Variants in TMEM178B observed in about 807,000 individuals in gnomAD.
TMEM178B encodes transmembrane protein 178B.
TMEM178B carries 5 observed loss-of-function variants against 31.0 expected under a neutral mutation model. The observed-to-expected ratio is 0.16, with a 90% CI of 0.08 to 0.34. TMEM178B has a LOEUF of 0.34. Ranked by LOEUF, TMEM178B falls within the 10% of genes least tolerant of loss-of-function variation. TMEM178B has a pLI of 1.00. For missense variants in TMEM178B, 275 were observed against 400.3 expected, an observed-to-expected ratio of 0.69 and a Z score of 2.67; for synonymous variants, 164 against 164.0, an observed-to-expected ratio of 1.00 and a Z score of 0.00.
intron 2 of TMEM178B, among the ~76,000 whole-genome samples, chr7:141,245,642 A>G (rs1008485887): frequency 2.2e-4 from 34 of 152,112 alleles, no homozygotes; most frequent in African/African-American, 8.0e-4. Context: ...ATACGCTTTC[A>G]CTTGTCCTTA....
At chr7:141,463,868 G>T (rs115074626) in intron 3 of TMEM178B, among the ~76,000 whole-genome samples, 4 of 152,166 alleles carry the variant, frequency 2.6e-5, no homozygotes, top group Non-Finnish European at 2.9e-5. Flanking sequence ...GGCCAGACGC[G>T]CAGGATACAG....
chr7:141,461,785 A>G lies in TMEM178B; in HGVS notation c.635-8751A>G, dbSNP rs1379897704. 6.6e-6 allele frequency among the ~76,000 whole-genome samples: 1 copy of G among 152,232 alleles called. No individual in the cohort carries two copies. Among genetic ancestry groups the G allele is most frequent in the East Asian group, 1.9e-4 (1 of 5,202 alleles). The stretch of plus-strand genomic sequence containing the variant: ...TCCACCTTATACACCTGCAATTAGC[A>G]CTCAGAGTGAGCTGAGCAGGGAGTT... On this transcript the variant is annotated intron_variant, in intron 3 of 3. Coordinates refer to ENST00000565468, the MANE Select transcript of TMEM178B (RefSeq NM_001195278.2). This position sits in a 1 kb window ranked among gnomAD's most constrained non-coding sequence, Gnocchi z 4.0.
chr7:141,349,413 C>A (rs920034989), intron 2 of TMEM178B, among the ~76,000 whole-genome samples: 1 of 152,134 alleles, frequency 6.6e-6, no homozygotes, highest in African/African-American at 2.4e-5. Context: ...GGGGCCCAGA[C>A]ACGCTTTAGA....
intron 2 of TMEM178B, among the ~76,000 whole-genome samples, chr7:141,232,974 G>A (rs1178377730): frequency 6.6e-6 from 1 of 152,174 alleles, no homozygotes; most frequent in Non-Finnish European, 1.5e-5. Context: ...AAGCCAGAGG[G>A]GAGTGGATGA....
intron 3 of TMEM178B, among the ~76,000 whole-genome samples, chr7:141,438,330 AAGG>A: frequency 6.6e-6 from 1 of 152,228 alleles, no homozygotes; most frequent in East Asian, 1.9e-4. Context: ...GATTCTACAT[AAGG>A]AGAACTGCAC....
intron 1 of TMEM178B, among the ~76,000 whole-genome samples, chr7:141,154,007 T>C (rs751002205): frequency 1.6e-4 from 24 of 152,254 alleles, no homozygotes; most frequent in Non-Finnish European, 2.9e-4. Context: ...GAAGTCTTGA[T>C]GAATATTTAT....
intron 2 of TMEM178B, among the ~76,000 whole-genome samples, chr7:141,345,914 C>G (rs1799610871): frequency 6.6e-6 from 1 of 152,064 alleles, no homozygotes; most frequent in Non-Finnish European, 1.5e-5. Flanking sequence ...ACTTATAAAA[C>G]CTTATAAAAC....
the TMEM178B span, among the ~76,000 whole-genome samples, chr7:141,494,388 T>C: frequency 6.6e-6 from 1 of 152,312 alleles, no homozygotes; most frequent in South Asian, 2.1e-4. Context: ...CATCTGAAAA[T>C]TTTTAGATTT....
intron 2 of TMEM178B, among the ~76,000 whole-genome samples, chr7:141,325,318 G>A (rs1336024947): frequency 6.6e-6 from 1 of 152,070 alleles, no homozygotes; most frequent in Non-Finnish European, 1.5e-5. Flanking sequence ...ATCCCCCCAA[G>A]CCCCCAGATT....
intron 1 of TMEM178B, among the ~76,000 whole-genome samples, chr7:141,127,053 C>T (rs766544223): frequency 2.6e-5 from 4 of 152,064 alleles, no homozygotes; most frequent in African/African-American, 9.7e-5. Context: ...CAGTGAATAC[C>T]AGGAAAAGCC....
At chr7:141,107,558 CA>C (rs1281931145) in intron 1 of TMEM178B, among the ~76,000 whole-genome samples, 2 of 152,134 alleles carry the variant, frequency 1.3e-5, no homozygotes, top group Non-Finnish European at 2.9e-5. Context: ...ATATAGGACT[CA>C]GGGAAAGCTC....
rs115571921 is a variant in TMEM178B at position 141,417,222 on chromosome 7, C to T, written c.497-20386C>T. On this transcript the variant is annotated intron_variant, in intron 2 of 3. Transcript: ENST00000565468. The stretch of plus-strand genomic sequence containing the variant: ...AAATGGAATAGATGGATTCCTTCAT[C>T]CCATAGAGATTTAGAGCTTCTGCTA... 4.7e-3 allele frequency among the ~76,000 whole-genome samples: 714 copies of T among 152,250 alleles called. 7 individuals are homozygous for T. The highest frequency in any genetic ancestry group is 0.016 in the African/African-American group (682 of 41,528).
chr7:141,277,332 C>T (rs1798281606), intron 2 of TMEM178B, among the ~76,000 whole-genome samples: 2 of 151,844 alleles, frequency 1.3e-5, no homozygotes, highest in Admixed American at 1.3e-4. Context: ...TTTTAAACTT[C>T]TTTGTTAAAA....
intron 2 of TMEM178B, among the ~76,000 whole-genome samples, chr7:141,404,418 C>T (rs373565953): frequency 4.6e-5 from 7 of 152,346 alleles, no homozygotes; most frequent in African/African-American, 7.2e-5. Context: ...GTGCTCTCCC[C>T]GAAGGCCATA....
At chr7:141,185,702 G>A (rs753469787) in intron 1 of TMEM178B, among the ~76,000 whole-genome samples, 6 of 152,028 alleles carry the variant, frequency 3.9e-5, no homozygotes, top group South Asian at 2.1e-4. Flanking sequence ...GGCCAGGGTC[G>A]TCTTGGAAAA....
chr7:141,469,382 CTA>C (rs1292291688), intron 3 of TMEM178B, among the ~76,000 whole-genome samples: 2 of 152,212 alleles, frequency 1.3e-5, no homozygotes, highest in Non-Finnish European at 2.9e-5. Context: ...TTCTTCCACT[CTA>C]TATTTTCTTC....
At chr7:141,255,781 T>G (rs1008120089) in intron 2 of TMEM178B, among the ~76,000 whole-genome samples, 1 of 152,120 alleles carries the variant, frequency 6.6e-6, no homozygotes, top group Non-Finnish European at 1.5e-5. Context: ...TCTCAAACTC[T>G]TGGGCTCCAG....
At chr7:141,215,011 C>T (rs1268020809) in intron 2 of TMEM178B, among the ~76,000 whole-genome samples, 1 of 151,948 alleles carries the variant, frequency 6.6e-6, no homozygotes, top group Non-Finnish European at 1.5e-5. Context: ...TATTTTTAGC[C>T]AGAGGGCAGG....
intron 2 of TMEM178B, among the ~76,000 whole-genome samples, chr7:141,329,274 G>A (rs559782812): frequency 5.3e-5 from 8 of 152,248 alleles, no homozygotes; most frequent in African/African-American, 1.9e-4. Context: ...CCCCCTACCT[G>A]GGGTGTGGAT....
Sources: gnomAD v4.1 joint callset for allele counts (sites outside exome capture counted in the v4.1 genomes callset) on GRCh38, gnomAD v4.1.1 for gene constraint, Gnocchi (gnomAD v3.1) non-coding constraint, MANE v1.5 for transcripts, NCBI Gene and HGNC (gene_info 2026-07-23, HGNC 2026-07-21) for gene names.